The following ADAMTSL1 variants were observed in gnomAD, a reference collection of about 807,000 sequenced individuals.
ADAMTSL1 encodes ADAMTS like 1, also known as ADAMTS-like protein 1.
In ADAMTSL1, 126 loss-of-function variants were observed where a neutral mutation model predicts 201.8. The observed-to-expected ratio is 0.62, with a 90% CI of 0.54 to 0.72. ADAMTSL1 has a LOEUF of 0.72. ADAMTSL1 is among the 30% of genes least tolerant of loss of function. The probability of loss-of-function intolerance (pLI) is 0.00; values close to 1 mark genes in which losing one functional copy is unlikely to be tolerated. For missense variants in ADAMTSL1, 2,679 were observed against 2,277.8 expected (o/e 1.18, Z -3.59); for synonymous variants, 1,121 against 903.4 (o/e 1.24, Z -4.32).
rs575510657 is a variant in ADAMTSL1 at position 18,803,380 on chromosome 9, T to C, written c.3805+7856T>C. 4.1e-4 allele frequency among the ~76,000 whole-genome samples: 63 copies of C among 152,326 alleles called. 1 individual carries two copies. In the East Asian group the frequency reaches 8.1e-3, roughly 20 times the overall value. On this transcript the variant is annotated intron_variant, in intron 20 of 28. Transcript: ENST00000380548. ...CAACCAGCAATGGAGGGCTGAGTTT[T>C]CATGTTGCCCAACTCTGATATTAAG...
rs532102467 is a variant in ADAMTSL1, at chr9:18,841,952, C to G, written c.4249+11975C>G. Among the ~76,000 whole-genome samples the G allele has an allele frequency of 2.7e-3, 405 of 151,768 alleles. 2 individuals are homozygous for G. Among genetic ancestry groups the G allele is most frequent in the African/African-American group, 9.5e-3 (394 of 41,360 alleles). Reference sequence around the variant, plus strand: ...TTTTCTTCTTTATTAGTCTTGCTAGCGGTCTATCAATTTTGTTGATCCTTT... The same window carrying G: ...TTTTCTTCTTTATTAGTCTTGCTAGGGGTCTATCAATTTTGTTGATCCTTT... On this transcript the variant is annotated intron_variant, in intron 23 of 28. Coordinates refer to ENST00000380548, the MANE Select transcript of ADAMTSL1 (RefSeq NM_001040272.6).
At chr9:18,359,560 G>C (rs1269187295) in intron 2 of ADAMTSL1, among the ~76,000 whole-genome samples, 2 of 152,150 alleles carry the variant, frequency 1.3e-5, no homozygotes, top group Non-Finnish European at 2.9e-5. Flanking sequence ...AGTGTTCATA[G>C]CTTCCCATTC....
At chr9:18,697,789 C>T (rs910374288) in intron 13 of ADAMTSL1, among the ~76,000 whole-genome samples, 1 of 152,144 alleles carries the variant, frequency 6.6e-6, no homozygotes, top group Non-Finnish European at 1.5e-5. Flanking sequence ...CATTAAAATC[C>T]TTTGCTGTGG....
chr9:18,711,936 ACCCC>A (rs1832636175), intron 14 of ADAMTSL1, among the ~76,000 whole-genome samples: 1 of 82,948 alleles, frequency 1.2e-5, no homozygotes, highest in Non-Finnish European at 3.2e-5. Context: ...TGGGTCCCTG[ACCCC>A]TGACCCCCAA....
At chr9:18,127,914 T>A (rs1017968307) in intron 1 of ADAMTSL1, among the ~76,000 whole-genome samples, 1 of 152,200 alleles carries the variant, frequency 6.6e-6, no homozygotes, top group East Asian at 1.9e-4. Flanking sequence ...TAATGTGGCA[T>A]GTAGCATGTT....
At chr9:18,669,991 G>A (rs1308824843) in intron 9 of ADAMTSL1, among the ~76,000 whole-genome samples, 1 of 152,082 alleles carries the variant, frequency 6.6e-6, no homozygotes, top group Non-Finnish European at 1.5e-5. Context: ...TCACGAAATA[G>A]CAAAGTGCTT....
At chr9:18,154,709 G>A (rs1005151292) in intron 1 of ADAMTSL1, among the ~76,000 whole-genome samples, 9 of 152,068 alleles carry the variant, frequency 5.9e-5, no homozygotes, top group African/African-American at 1.9e-4. Flanking sequence ...CTTAGGACTT[G>A]AGAGACAAAA....
intron 1 of ADAMTSL1, among the ~76,000 whole-genome samples, chr9:17,930,742 C>T (rs570593259): frequency 6.6e-6 from 1 of 152,166 alleles, no homozygotes; most frequent in Non-Finnish European, 1.5e-5. Context: ...TCATTTTCAA[C>T]ATTGTAAGGT....
chr9:18,680,318 G>T lies in ADAMTSL1; in HGVS notation c.1143G>T (p.Glu381Asp). ...ACTCCCCTTGCTTCTGTAGGTGGGAGGCCACCCCATGGACCGCGTGCTCCT... is the reference window on the plus strand; with the variant it reads ...ACTCCCCTTGCTTCTGTAGGTGGGATGCCACCCCATGGACCGCGTGCTCCT... ...YDLYHPLPRW[E>D]ATPWTACSSS... Residue 381 changes from glutamate to aspartate, a missense_variant, in exon 11 of 29, where the codon GAG (glutamate) becomes GAT (aspartate). Physicochemically the swap from Glu to Asp is conservative, Grantham distance 45 (BLOSUM62 2). Transcript: ENST00000380548. 6.2e-7 allele frequency: 1 copy of T among 1,614,038 alleles called. No individual in the cohort carries two copies. Among genetic ancestry groups the T allele is most frequent in the Non-Finnish European group, 8.5e-7 (1 of 1,180,004 alleles).
At chr9:18,114,440 T>G (rs1825164054) in intron 1 of ADAMTSL1, among the ~76,000 whole-genome samples, 1 of 152,124 alleles carries the variant, frequency 6.6e-6, no homozygotes, top group Non-Finnish European at 1.5e-5. Flanking sequence ...AGGTATGTAT[T>G]CTGATATCAG....
chr9:18,688,969 G>A (rs920344371), intron 13 of ADAMTSL1, among the ~76,000 whole-genome samples: 3 of 151,740 alleles, frequency 2.0e-5, no homozygotes, highest in Non-Finnish European at 2.9e-5. Context: ...ATGTCATTTC[G>A]AATTTCCCTC....
rs1354198165 is a variant in ADAMTSL1, at chr9:18,102,430, A to G, written c.88-61432A>G. Among the ~76,000 whole-genome samples, 4 of 152,226 alleles carry G rather than the reference A, an allele frequency of 2.6e-5. No individual in the cohort carries two copies. In the East Asian group the frequency reaches 7.7e-4, roughly 29 times the overall value. The stretch of plus-strand genomic sequence containing the variant: ...CAAGGTCTTATCTTATGAATTATAT[A>G]CAAATATGACAGTTCACAAATGTTT... On this transcript the variant is annotated intron_variant, in intron 1 of 29. Coordinates refer to the ADAMTSL1 transcript ENST00000680146.
intron 1 of ADAMTSL1, among the ~76,000 whole-genome samples, chr9:18,070,614 A>T (rs1205437267): frequency 6.6e-6 from 1 of 152,152 alleles, no homozygotes; most frequent in Non-Finnish European, 1.5e-5. Flanking sequence ...GTAAGCTTGA[A>T]CTAAATGGCC....
chr9:18,677,532 A>G (rs1176472085), intron 10 of ADAMTSL1, among the ~76,000 whole-genome samples: 1 of 152,080 alleles, frequency 6.6e-6, no homozygotes, highest in African/African-American at 2.4e-5. Context: ...ATAAAGGTAA[A>G]GTTGGACCTC....
chr9:18,503,441 ACCACATTTTG>A (rs1822954263), intron 1 of ADAMTSL1, among the ~76,000 whole-genome samples: 2 of 146,060 alleles, frequency 1.4e-5, no homozygotes, highest in Non-Finnish European at 3.0e-5. Context: ...ATATATATAT[ACCACATTTTG>A]TTTACATATT....
intron 2 of ADAMTSL1, among the ~76,000 whole-genome samples, chr9:18,400,763 T>C (rs1817955901): frequency 6.6e-6 from 1 of 152,292 alleles, no homozygotes; most frequent in Non-Finnish European, 1.5e-5. Context: ...ATTCACGTAT[T>C]TCTGATATTA....
intron 2 of ADAMTSL1, among the ~76,000 whole-genome samples, chr9:18,190,914 G>A (rs536679859): frequency 6.6e-6 from 1 of 152,110 alleles, no homozygotes; most frequent in African/African-American, 2.4e-5. Flanking sequence ...GTACCCCTAG[G>A]GCACATGAAC....
At chr9:17,927,839 G>T (rs1417094969) in intron 1 of ADAMTSL1, among the ~76,000 whole-genome samples, 1 of 152,044 alleles carries the variant, frequency 6.6e-6, no homozygotes, top group African/African-American at 2.4e-5. Context: ...TGGATACTAA[G>T]AACAGCTGTA....
At chr9:18,077,092 G>C (rs1823266545) in intron 1 of ADAMTSL1, among the ~76,000 whole-genome samples, 1 of 152,182 alleles carries the variant, frequency 6.6e-6, no homozygotes, top group African/African-American at 2.4e-5. Flanking sequence ...GGAGGAGGAG[G>C]AGGAGGGTGG....
Sources: allele counts gnomAD v4.1 joint callset (sites outside exome capture counted in the v4.1 genomes callset), GRCh38; gene constraint gnomAD v4.1.1; transcripts MANE v1.5; gene names NCBI Gene and HGNC (gene_info 2026-07-23, HGNC 2026-07-21).